The following EPPK1 variants were observed in gnomAD, a reference collection of about 807,000 sequenced individuals.
EPPK1 encodes epiplakin 1, also known as epiplakin.
For missense variants in EPPK1, 3,823 were observed against 3,673.3 expected (o/e 1.04, Z -1.05); for synonymous variants, 1,862 against 1,721.2 (o/e 1.08, Z -2.03).
At position 143,872,387 on chromosome 8, in the gene EPPK1, C is replaced by A; in HGVS notation, c.867G>T (p.Gly289=). ...RYLEGTGSVA[G]VVLLPEGHKK... The stretch of plus-strand genomic sequence containing the variant: ...TGTGGCCTTCGGGCAGCAGGACAAC[C>A]CCGGCCACGCTGCCGGTACCCTCCA... The change falls in exon 2 of 2, where the codon GGG becomes GGT. Residue 289 remains glycine, a synonymous_variant. Coordinates refer to ENST00000615648, the MANE Select transcript of EPPK1 (RefSeq NM_031308.4). 1 of 1,603,572 alleles carries A rather than the reference C, an allele frequency of 6.2e-7. No homozygotes were observed.
intron 1 of EPPK1, among the ~76,000 whole-genome samples, chr8:143,877,427 A>G (rs1819503193): frequency 6.6e-6 from 1 of 152,088 alleles, no homozygotes; most frequent in African/African-American, 2.4e-5. Flanking sequence ...TGGGGTGGGG[A>G]GGAGGCCGAG....
In EPPK1 at chr8:143,857,921, A is replaced by C. The variant is rs1554657838; in HGVS notation, c.*66T>G. The C allele has an allele frequency of 2.5e-6, 2 of 793,920 alleles. No homozygotes were observed. Among genetic ancestry groups the C allele is most frequent in the Non-Finnish European group, 3.6e-6 (2 of 549,560 alleles). 49.2% of individuals were successfully genotyped at this position (793,920 alleles called of 1,614,324 possible). On this transcript the variant is annotated 3_prime_UTR_variant, in exon 2 of 2. Coordinates refer to ENST00000615648, the MANE Select transcript of EPPK1 (RefSeq NM_031308.4). ...CAAAAAAAAAAAAAAAAAAAAAAAC[A>C]ACCCAGACACACAAGTATGCCTCCA...
chr8:143,870,861 A>G lies in EPPK1; in HGVS notation c.2393T>C (p.Leu798Pro). 1 of 1,612,536 alleles carries G rather than the reference A, an allele frequency of 6.2e-7. No individual in the cohort carries two copies. Among genetic ancestry groups the G allele is most frequent in the South Asian group, 1.1e-5 (1 of 91,020 alleles). ...DPETGLYLLP[L>P]SSTQSPLVDS... ...CACCAGCGGGGACTGCGTGCTGCTG[A>G]GTGGCAGGAGGTACAGGCCCGTCTC... Residue 798 changes from leucine to proline, a missense_variant, in exon 2 of 2, where the codon CTC becomes CCC. Leu to Pro is a moderately conservative substitution (Grantham distance 98, BLOSUM62 -3). Transcript: ENST00000615648. This position sits in a 1 kb window ranked among gnomAD's most constrained non-coding sequence, Gnocchi z 5.2.
In EPPK1 at chr8:143,867,403, C is replaced by G. The variant is rs1466552231; in HGVS notation, c.5851G>C (p.Val1951Leu). The G allele has an allele frequency of 1.2e-6, 2 of 1,612,780 alleles. No homozygotes were observed. The highest frequency in any genetic ancestry group is 1.7e-6 in the Non-Finnish European group (2 of 1,179,878). The stretch of plus-strand genomic sequence containing the variant: ...AGGCCCACATCCACAGCCTCATCCA[C>G]AGAGAGCTTCTGGCGGGTGCAGGGG... The part of the protein sequence containing the change: ...LDPCTRQKLS[V>L]DEAVDVGLVN... Residue 1951 changes from valine (V) to leucine (L), a missense_variant, in exon 2 of 2, where the codon GTG (valine) becomes CTG (leucine). Val to Leu is a conservative substitution (Grantham distance 32, BLOSUM62 1). Transcript: ENST00000615648.
rs551340130 is a variant in EPPK1 at position 143,872,372 on chromosome 8, G to C, written c.882C>G (p.Pro294=). The change falls in exon 2 of 2, where the codon CCC becomes CCG. Residue 294 remains proline (P), a synonymous_variant. Coordinates refer to ENST00000615648, the MANE Select transcript of EPPK1 (RefSeq NM_031308.4). ...TGSVAGVVLL[P]EGHKKSFFQA... ...GGAAAAAGCTCTTCTTGTGGCCTTC[G>C]GGCAGCAGGACAACCCCGGCCACGC... The C allele has an allele frequency of 3.7e-6, 6 of 1,604,522 alleles. No individual in the cohort carries two copies. In the African/African-American group the frequency reaches 8.0e-5, roughly 21 times the overall value.
chr8:143,869,188 G>C lies in EPPK1; in HGVS notation c.4066C>G (p.Leu1356Val), dbSNP rs1554660253. 1 of 1,609,286 alleles carries C rather than the reference G, an allele frequency of 6.2e-7. No homozygotes were observed. The highest frequency in any genetic ancestry group is 8.5e-7 in the Non-Finnish European group (1 of 1,179,646). ...CCCCCTGTGGCCAGCTGCACCTGCA[G>C]GAGGGGCAAGCCCTCGTTCTGTGGC... Reference protein sequence around the residue: ...LVPQNEGLPLLQVQLATGGVV... With the variant: ...LVPQNEGLPLVQVQLATGGVV... The change falls in exon 2 of 2, where the codon CTG (leucine) becomes GTG (valine). Residue 1356 changes from leucine to valine, a missense_variant. Physicochemically the swap from Leu to Val is conservative, Grantham distance 32. Coordinates refer to ENST00000615648, the MANE Select transcript of EPPK1 (RefSeq NM_031308.4).
At chr8:143,875,944 C>A (rs183095862) in intron 1 of EPPK1, among the ~76,000 whole-genome samples, 1,757 of 152,136 alleles carry the variant, frequency 0.012, 11 homozygotes, top group Non-Finnish European at 0.017. Context: ...ACAGTGGCCC[C>A]CACCCCCCAC....
At position 143,870,314 on chromosome 8, in the gene EPPK1, C is replaced by T; in HGVS notation, c.2940G>A (p.Glu980=). The T allele has an allele frequency of 6.4e-7, 1 of 1,573,186 alleles. No individual in the cohort carries two copies. Among genetic ancestry groups the T allele is most frequent in the East Asian group, 2.3e-5 (1 of 43,114 alleles). The stretch of plus-strand genomic sequence containing the variant: ...GCACGGCCTCATCCACCGAGAGGCT[C>T]TCTGGGCTGTGAGGGTCCATGATGG... ...TGTIMDPHSP[E]SLSVDEAVRR... is the part of the protein sequence containing the mutation. Residue 980 remains glutamate, a synonymous_variant, in exon 2 of 2, where the codon GAG becomes GAA. Coordinates refer to ENST00000615648, the MANE Select transcript of EPPK1 (RefSeq NM_031308.4). This position sits in a 1 kb window ranked among gnomAD's most constrained non-coding sequence, Gnocchi z 5.2.
chr8:143,875,076 C>T (rs1432246474), intron 1 of EPPK1, among the ~76,000 whole-genome samples: 1 of 152,160 alleles, frequency 6.6e-6, no homozygotes, highest in Non-Finnish European at 1.5e-5. Context: ...CCCAAATCTG[C>T]AGCAGGAGCC....
At position 143,866,609 on chromosome 8, in the gene EPPK1, G is replaced by C. The variant is rs74184133; in HGVS notation, c.6645C>G (p.Arg2215=). 6.2e-7 allele frequency: 1 copy of C among 1,612,826 alleles called. No homozygotes were observed. The highest frequency in any genetic ancestry group is 1.1e-5 in the South Asian group (1 of 91,086). Residue 2215 remains arginine, a synonymous_variant, in exon 2 of 2, where the codon CGC becomes CGG. Coordinates refer to ENST00000615648, the MANE Select transcript of EPPK1 (RefSeq NM_031308.4). ...STTQELMEDD[R]VKRYLEGTSC... The stretch of plus-strand genomic sequence containing the variant: ...TGGTGCCCTCCAGGTAGCGCTTGAC[G>C]CGGTCGTCCTCCATGAGCTCTTGCG...
Position 143,868,772 on chromosome 8 carries a change from C to T in EPPK1, c.4482G>A (p.Arg1494=). 6.3e-7 allele frequency: 1 copy of T among 1,596,842 alleles called. No individual in the cohort carries two copies. The highest frequency in any genetic ancestry group is 1.1e-5 in the South Asian group (1 of 89,762). The part of the protein sequence containing the change: ...RELVALCRSG[R]AAALRQVVSA... ...TGACCACCTGCCGCAGGGCCGCAGC[C>T]CTCCCAGACCGACAGAGTGCCACCA... The change falls in exon 2 of 2, where the codon AGG becomes AGA. Residue 1494 remains arginine (R), a synonymous_variant. Coordinates refer to ENST00000615648, the MANE Select transcript of EPPK1 (RefSeq NM_031308.4).
In EPPK1 at chr8:143,872,207, GC is replaced by G; in HGVS notation, c.1046del (p.Ser349ThrfsTer15). On this transcript the variant is annotated frameshift_variant, in exon 2 of 2. Coordinates refer to ENST00000615648, the MANE Select transcript of EPPK1 (RefSeq NM_031308.4). LOFTEE classifies it low-confidence loss of function (END_TRUNC). ...CCAGGAGCTGCTCATGGAGCTCTGG[GC>G]TGACCAGGCCCGCCCTGACTGCCTC... is the stretch of plus-strand genomic sequence containing the variant. ...VDEAVRAGLV[S>X]PELHEQLLVA... The G allele has an allele frequency of 6.2e-7, 1 of 1,607,260 alleles. No individual in the cohort carries two copies. Among genetic ancestry groups the G allele is most frequent in the East Asian group, 2.2e-5 (1 of 44,838 alleles).
chr8:143,873,504 G>A (rs2130654017), intron 1 of EPPK1, among the ~76,000 whole-genome samples: 1 of 152,202 alleles, frequency 6.6e-6, no homozygotes, highest in African/African-American at 2.4e-5. Flanking sequence ...GGGACCATGT[G>A]GGCGCAGGCA....
In EPPK1 at chr8:143,857,920, C is replaced by CCCACA; in HGVS notation, c.*66_*67insTGTGG. On this transcript the variant is annotated 3_prime_UTR_variant, in exon 2 of 2. Transcript: ENST00000615648. ...ACAAAAAAAAAAAAAAAAAAAAAAACAACCCAGACACACAAGTATGCCTCC... is the reference window on the plus strand; with the variant it reads ...ACAAAAAAAAAAAAAAAAAAAAAAACCCACAAACCCAGACACACAAGTATGCCTCC... 3.1e-6 allele frequency: 1 copy of CCCACA among 319,410 alleles called. No homozygotes were observed. Among genetic ancestry groups the CCCACA allele is most frequent in the Non-Finnish European group, 4.8e-6 (1 of 206,386 alleles). The allele number at this position is 319,410 out of a possible 1,614,324, so 19.8% of individuals were successfully genotyped here. A position where few individuals can be genotyped will look rare whatever the true frequency, so the allele number is the denominator to read the frequency against.
In EPPK1 at chr8:143,870,146, A is replaced by G. The variant is rs1554660644; in HGVS notation, c.3108T>C (p.Ala1036=). ...MKKGLIPWEQ[A]ARLLEAQVAT... is the part of the protein sequence containing the mutation. ...CCACTTGAGCCTCCAGGAGGCGGGC[A>G]GCTTGCTCCCAAGGGATGAGACCTT... Residue 1036 remains alanine (A), a synonymous_variant, in exon 2 of 2, where the codon GCT becomes GCC. Transcript: ENST00000615648. The surrounding 1 kb of genome is among the most constrained non-coding windows in gnomAD (Gnocchi z 5.2). The G allele has an allele frequency of 1.2e-6, 2 of 1,611,650 alleles. No individual in the cohort carries two copies. The highest frequency in any genetic ancestry group is 2.7e-5 in the African/African-American group (2 of 74,812).
rs782042148 is a variant in EPPK1, at chr8:143,867,170, T to C, written c.6084A>G (p.Glu2028=). 2 of 1,612,788 alleles carry C rather than the reference T, an allele frequency of 1.2e-6. No homozygotes were observed. Among genetic ancestry groups the C allele is most frequent in the Non-Finnish European group, 1.7e-6 (2 of 1,179,750 alleles). The change falls in exon 2 of 2, where the codon GAA becomes GAG. Residue 2028 remains glutamate (E), a synonymous_variant. Coordinates refer to ENST00000615648, the MANE Select transcript of EPPK1 (RefSeq NM_031308.4). ...GCAGACAGCCCCGTCTGTAGGCTGT[T>C]TCCAGTGGGAGCCGGTGGTGGTGCT... ...DPQHHHRLPL[E]TAYRRGCLHK... is the part of the protein sequence containing the mutation.
At position 143,872,583 on chromosome 8, in the gene EPPK1, G is replaced by C. The variant is rs374953787; in HGVS notation, c.671C>G (p.Ser224Trp). The C allele has an allele frequency of 1.1e-5, 17 of 1,609,362 alleles. No homozygotes were observed. Among genetic ancestry groups the C allele is most frequent in the Admixed American group, 1.7e-5 (1 of 59,840 alleles). ...CTTGAGGGGCAGCAAGGCTAGCCCCGAGCCGGGGGCACGCACACACCTTTC... is the reference window on the plus strand; with the variant it reads ...CTTGAGGGGCAGCAAGGCTAGCCCCCAGCCGGGGGCACGCACACACCTTTC... The part of the protein sequence containing the change: ...LLERCVRAPG[S>W]GLALLPLKIT... The change falls in exon 2 of 2, where the codon TCG becomes TGG. Residue 224 changes from serine (S) to tryptophan (W), a missense_variant. Ser to Trp is a radical substitution (Grantham distance 177). Coordinates refer to ENST00000615648, the MANE Select transcript of EPPK1 (RefSeq NM_031308.4).
In EPPK1 at chr8:143,872,108, C is replaced by T. The variant is rs1282274028; in HGVS notation, c.1146G>A (p.Lys382=). ...CCAGTGGCCTGTCCACTAGCCCCTT[C>T]TTCATGGCCTGGAAAAGGGGGATTT... is the stretch of plus-strand genomic sequence containing the variant. ...GSQIPLFQAM[K]KGLVDRPLAL... is the part of the protein sequence containing the mutation. The change falls in exon 2 of 2, where the codon AAG becomes AAA. Residue 382 remains lysine (K), a synonymous_variant. Coordinates refer to ENST00000615648, the MANE Select transcript of EPPK1 (RefSeq NM_031308.4). 1.9e-6 allele frequency: 3 copies of T among 1,559,156 alleles called. No individual in the cohort carries two copies. The highest frequency in any genetic ancestry group is 2.6e-6 in the Non-Finnish European group (3 of 1,152,922).
rs782388776 is a variant in EPPK1, at chr8:143,871,168, T to C, written c.2086A>G (p.Thr696Ala). The C allele has an allele frequency of 3.1e-6, 5 of 1,612,868 alleles. No individual in the cohort carries two copies. The Admixed American group carries it at 5.0e-5, about 16-fold the overall frequency. Residue 696 changes from threonine (T) to alanine (A), a missense_variant, in exon 2 of 2, where the codon ACC (threonine) becomes GCC (alanine). Physicochemically the swap from Thr to Ala is moderately conservative, Grantham distance 58. Transcript: ENST00000615648. ...TGGAAGAGGGAGATCTGCTGCCCGG[T>C]GTAGGGGTCAGTGTAGCCAGTGACA... ...RAVTGYTDPY[T>A]GQQISLFQAM...
Sources: gnomAD v4.1 joint callset for allele counts (sites outside exome capture counted in the v4.1 genomes callset) on GRCh38, gnomAD v4.1.1 for gene constraint, Gnocchi (gnomAD v3.1) non-coding constraint, MANE v1.5 for transcripts, NCBI Gene and HGNC (gene_info 2026-07-23, HGNC 2026-07-21) for gene names.